Variants in SMARCA4 observed in about 807,000 individuals in gnomAD.
SMARCA4 encodes SWI/SNF-related matrix-associated actin-dependent regulator of chromatin subfamily A member 4.
Under a neutral mutation model 193.9 loss-of-function variants are expected in SMARCA4, and 31 were observed. The ratio of observed to expected loss-of-function variants is 0.16; its 90% CI spans 0.12 to 0.22. SMARCA4 has a LOEUF of 0.22. Among genes scored for constraint, SMARCA4 ranks in the 10% least tolerant of loss-of-function variants. The pLI, the probability that SMARCA4 is intolerant of heterozygous loss-of-function variation, is 1.00. For synonymous variants in SMARCA4, 942 were observed against 933.1 expected (o/e 1.01, Z -0.17); for missense variants, 1,148 against 2,296.0 (o/e 0.50, Z 10.22).
intron 1 of SMARCA4, among the ~76,000 whole-genome samples, chr19:10,974,691 T>TATATA (rs1599856417): frequency 4.8e-4 from 7 of 14,668 alleles, no homozygotes; most frequent in African/African-American, 1.8e-3. Flanking sequence ...ATATATATAT[T>TATATA]TTTTTTTTTT....
chr19:11,013,231 C>G, intron 16 of SMARCA4, 119 bp downstream of exon 16: 1 of 1,164,856 alleles, frequency 8.6e-7, no homozygotes, highest in Non-Finnish European at 1.2e-6. Flanking sequence ...AATTTGTTTT[C>G]CTGGAGGCCA....
At chr19:11,057,843 C>CT (rs1247054470) in intron 30 of SMARCA4, among the ~76,000 whole-genome samples, 1 of 152,128 alleles carries the variant, frequency 6.6e-6, no homozygotes, top group African/African-American at 2.4e-5. Flanking sequence ...TGGCTCACAC[C>CT]TGTAATCCCA....
At chr19:10,970,501 T>C (rs185595230) in intron 1 of SMARCA4, among the ~76,000 whole-genome samples, 79 of 152,322 alleles carry the variant, frequency 5.2e-4, no homozygotes, top group African/African-American at 1.5e-3. Flanking sequence ...CTCACTGCAG[T>C]GTCCAGCTCC....
chr19:10,970,961 G>T (rs149739039), intron 1 of SMARCA4, among the ~76,000 whole-genome samples: 5 of 152,348 alleles, frequency 3.3e-5, no homozygotes, highest in African/African-American at 1.2e-4. Context: ...CATTTTGGGA[G>T]GCTGAGGCGG....
intron 1 of SMARCA4, among the ~76,000 whole-genome samples, chr19:10,981,543 T>C (rs1375613407): frequency 6.6e-6 from 1 of 152,256 alleles, no homozygotes; most frequent in African/African-American, 2.4e-5. Context: ...GGTTTGTTTA[T>C]GTCAGGGGCC....
At chr19:11,023,330 T>A (rs1345230229) in intron 19 of SMARCA4, among the ~76,000 whole-genome samples, 188 bp from the exon 20 acceptor site, 1 of 152,166 alleles carries the variant, frequency 6.6e-6, no homozygotes, top group East Asian at 1.9e-4. Flanking sequence ...TCCTCACAGT[T>A]TCCTAAGGAA....
At chr19:11,025,167 T>G (rs1262658374) in intron 21 of SMARCA4, among the ~76,000 whole-genome samples, 3 of 152,140 alleles carry the variant, frequency 2.0e-5, no homozygotes, top group Non-Finnish European at 4.4e-5. Context: ...CCAGTCTTGT[T>G]TCCGTCCCGT....
intron 30 of SMARCA4, among the ~76,000 whole-genome samples, chr19:11,047,080 G>A (rs955961016): frequency 1.3e-5 from 2 of 152,126 alleles, no homozygotes; most frequent in African/African-American, 2.4e-5. Context: ...GAAGCTGTGA[G>A]GGAAGACAAA....
intron 1 of SMARCA4, among the ~76,000 whole-genome samples, chr19:10,970,975 G>C (rs146287269): frequency 3.3e-5 from 5 of 152,288 alleles, no homozygotes; most frequent in African/African-American, 1.2e-4. Context: ...GAGGCGGGTG[G>C]ATCACCTGAG....
chr19:11,041,373 C>G lies in SMARCA4; in HGVS notation c.4237C>G (p.Arg1413Gly), dbSNP rs558017726. 1 of 1,612,628 alleles carries G rather than the reference C, an allele frequency of 6.2e-7. No individual in the cohort carries two copies. The highest frequency in any genetic ancestry group is 8.5e-7 in the Non-Finnish European group (1 of 1,180,004). Reference protein sequence around the residue: ...EVRQKKSSRKRKRDSDAGSST... With the variant: ...EVRQKKSSRKGKRDSDAGSST... ...CCGGCAGAAGAAATCATCACGGAAG[C>G]GCAAGCGAGACAGCGACGCCGGCTC... The change falls in exon 30 of 35, where the codon CGC becomes GGC. Residue 1413 changes from arginine to glycine, a missense_variant. By Grantham distance (125) the Arg-to-Gly change is moderately radical. Transcript: ENST00000344626. This position sits in a 1 kb window ranked among gnomAD's most constrained non-coding sequence, Gnocchi z 5.6.
In SMARCA4 at chr19:10,991,182, G is replaced by A. The variant is rs771940074; in HGVS notation, c.1278G>A (p.Arg426=). The A allele has an allele frequency of 6.2e-7, 1 of 1,613,884 alleles. No individual in the cohort carries two copies. Among genetic ancestry groups the A allele is most frequent in the South Asian group, 1.1e-5 (1 of 91,070 alleles). Residue 426 remains arginine, a synonymous_variant, in exon 8 of 35, where the codon AGG becomes AGA. Transcript: ENST00000344626. ...AGGAGGTGGTGGTGTGCATGCGGAG[G>A]GACACAGCGCTGGAGACAGCCCTCA... ...LRQEVVVCMR[R]DTALETALNA...
chr19:10,982,747 G>A (rs371121021), intron 1 of SMARCA4, among the ~76,000 whole-genome samples: 1 of 151,914 alleles, frequency 6.6e-6, no homozygotes, highest in African/African-American at 2.4e-5. Context: ...CTCGTGATCT[G>A]CCCGCCTTGG....
Position 11,031,460 on chromosome 19 carries a change from T to C in SMARCA4, c.3546+567T>C. ...ATAAGTTCTTATTGTTTTTAACATG[T>C]AAACACCAGTGACAGTCAGGAGTCC... On this transcript the variant is annotated intron_variant, in intron 25 of 34. Transcript: ENST00000344626. This position sits in a 1 kb window ranked among gnomAD's most constrained non-coding sequence, Gnocchi z 4.3. 5.9e-6 allele frequency: 1 copy of C among 169,462 alleles called. No homozygotes were observed. Among genetic ancestry groups the C allele is most frequent in the Non-Finnish European group, 1.3e-5 (1 of 77,046 alleles). The allele number at this position is 169,462 out of a possible 1,614,324, so 10.5% of individuals were successfully genotyped here.
rs1600313796 is a variant in SMARCA4 at position 11,025,657 on chromosome 19, T to C, written c.3168+149T>C. 3 of 680,336 alleles carry C rather than the reference T, an allele frequency of 4.4e-6. No homozygotes were observed. The East Asian group carries it at 8.4e-5, about 19-fold the overall frequency. 42.1% of individuals were successfully genotyped at this position (680,336 alleles called of 1,614,324 possible). On this transcript the variant is annotated intron_variant, in intron 22 of 34. Coordinates refer to ENST00000344626, the MANE Select transcript of SMARCA4 (RefSeq NM_003072.5). ...CATCTGTCTCTCATTTGGTCTTCGC[T>C]TCACCAGTGCTTACGGGAAGAATCC...
In SMARCA4 at chr19:11,019,123, C is replaced by T; in HGVS notation, c.2505+100C>T. ...CCTCTGGACAGTGAACCTGAGAATG[C>T]TGGGTCTCCAGTCGCATGGAGTCTC... On this transcript the variant is annotated intron_variant, in intron 17 of 34. Transcript: ENST00000344626. This position sits in a 1 kb window ranked among gnomAD's most constrained non-coding sequence, Gnocchi z 6.1. The T allele has an allele frequency of 1.1e-6, 1 of 925,396 alleles. No homozygotes were observed. The allele number at this position is 925,396 out of a possible 1,614,324, so 57.3% of individuals were successfully genotyped here. A position where few individuals can be genotyped will look rare whatever the true frequency, so the allele number is the denominator to read the frequency against.
intron 11 of SMARCA4, among the ~76,000 whole-genome samples, chr19:10,998,665 G>A (rs1490795510): frequency 1.3e-5 from 2 of 152,026 alleles, no homozygotes; most frequent in South Asian, 4.2e-4. Context: ...GCCAACCCCT[G>A]GTGTAGACTT....
rs1280325802 is a variant in SMARCA4 at position 11,033,704 on chromosome 19, A to T, written c.3775-63A>T. Reference sequence around the variant, plus strand: ...TTCTTTGAAGTGGTTTTTTTTTCTAAACTGCTGGTGAAAGACGCCGGATTG... The same window carrying T: ...TTCTTTGAAGTGGTTTTTTTTTCTATACTGCTGGTGAAAGACGCCGGATTG... On this transcript the variant is annotated intron_variant, in intron 26 of 34. Coordinates refer to ENST00000344626, the MANE Select transcript of SMARCA4 (RefSeq NM_003072.5). This position sits in a 1 kb window ranked among gnomAD's most constrained non-coding sequence, Gnocchi z 9.8. The T allele has an allele frequency of 1.8e-5, 14 of 780,298 alleles. No individual in the cohort carries two copies. Among genetic ancestry groups the T allele is most frequent in the Non-Finnish European group, 7.1e-6 (3 of 420,388 alleles). 48.3% of individuals were successfully genotyped at this position (780,298 alleles called of 1,614,324 possible). A position where few individuals can be genotyped will look rare whatever the true frequency, so the allele number is the denominator to read the frequency against.
intron 29 of SMARCA4, among the ~76,000 whole-genome samples, chr19:11,038,040 A>G (rs896443564): frequency 3.3e-5 from 5 of 152,234 alleles, no homozygotes; most frequent in African/African-American, 1.2e-4. Flanking sequence ...AAAGCCTTCA[A>G]AATGCTCCTA....
intron 23 of SMARCA4, among the ~76,000 whole-genome samples, chr19:11,027,042 A>G (rs1260358056): frequency 6.6e-6 from 1 of 152,214 alleles, no homozygotes; most frequent in African/African-American, 2.4e-5. Flanking sequence ...TAAGCCCCTA[A>G]TGGATGTGGA....
Sources: allele counts gnomAD v4.1 joint callset (sites outside exome capture counted in the v4.1 genomes callset), GRCh38; gene constraint gnomAD v4.1.1; non-coding constraint Gnocchi (gnomAD v3.1); transcripts MANE v1.5; gene names NCBI Gene and HGNC (gene_info 2026-07-23, HGNC 2026-07-21).